CLSTN2: variants seen among roughly 807,000 people sequenced by gnomAD.
The protein encoded by CLSTN2 is calsyntenin-2.
Under a neutral mutation model 101.2 loss-of-function variants are expected in CLSTN2, and 48 were observed. The observed-to-expected ratio is 0.47, with a 90% CI of 0.38 to 0.60. CLSTN2 has a LOEUF of 0.60. Among genes scored for constraint, CLSTN2 ranks in the 20% least tolerant of loss-of-function variants. CLSTN2 has a pLI of 0.00. For synonymous variants in CLSTN2, 481 were observed against 463.6 expected, an observed-to-expected ratio of 1.04 and a Z score of -0.48; for missense variants, 1,160 against 1,238.2, an observed-to-expected ratio of 0.94 and a Z score of 0.95.
At chr3:140,049,131 G>A (rs918103037) in intron 1 of CLSTN2, among the ~76,000 whole-genome samples, 1 of 152,204 alleles carries the variant, frequency 6.6e-6, no homozygotes, top group African/African-American at 2.4e-5. Context: ...CTAAGGCACA[G>A]ACGGCATCTC....
At chr3:140,438,923 C>T (rs911726804) in intron 5 of CLSTN2, among the ~76,000 whole-genome samples, 65 of 152,216 alleles carry the variant, frequency 4.3e-4, no homozygotes, top group African/African-American at 1.4e-3. Context: ...AAGCTGCAGC[C>T]GAGCCTTGGG....
At chr3:140,242,421 A>T (rs1235027148) in intron 2 of CLSTN2, among the ~76,000 whole-genome samples, 1 of 152,204 alleles carries the variant, frequency 6.6e-6, no homozygotes, top group Admixed American at 6.5e-5. Flanking sequence ...TAAGTCTTCC[A>T]TGGACCAGCT....
rs1933501690 is a variant in CLSTN2, at chr3:140,459,456, G to T, written c.974-65G>T. 5.1e-6 allele frequency: 8 copies of T among 1,582,376 alleles called. No homozygotes were observed. In the South Asian group the frequency reaches 8.0e-5, roughly 16 times the overall value. On this transcript the variant is annotated intron_variant, in intron 6 of 16. Transcript: ENST00000458420. ...CACTGAGTAGTTCACCTTGACCCAGGAGCAGAAAACAGATGAGGACACCGC... is the reference window on the plus strand; with the variant it reads ...CACTGAGTAGTTCACCTTGACCCAGTAGCAGAAAACAGATGAGGACACCGC...
At chr3:140,101,432 G>T (rs2008963160) in intron 1 of CLSTN2, among the ~76,000 whole-genome samples, 1 of 152,210 alleles carries the variant, frequency 6.6e-6, no homozygotes, top group Admixed American at 6.5e-5. Flanking sequence ...TAGACATCAG[G>T]TTGGACAGAC....
intron 2 of CLSTN2, among the ~76,000 whole-genome samples, chr3:140,398,478 G>C (rs1368277045): frequency 6.6e-6 from 1 of 152,128 alleles, no homozygotes; most frequent in Non-Finnish European, 1.5e-5. Context: ...CAGACAAAAA[G>C]TCAAATAACA....
intron 2 of CLSTN2, among the ~76,000 whole-genome samples, chr3:140,243,907 A>G (rs903399722): frequency 6.6e-6 from 1 of 152,208 alleles, no homozygotes; most frequent in African/African-American, 2.4e-5. Context: ...CAGTCAGTGC[A>G]TGTCAGACTA....
At chr3:140,126,085 GTGA>G in intron 1 of CLSTN2, among the ~76,000 whole-genome samples, 1 of 152,286 alleles carries the variant, frequency 6.6e-6, no homozygotes. Context: ...TCAGTGGTTG[GTGA>G]TGATGTATAG....
intron 1 of CLSTN2, among the ~76,000 whole-genome samples, chr3:140,121,313 G>A (rs1388041124): frequency 6.6e-6 from 1 of 152,134 alleles, no homozygotes; most frequent in Non-Finnish European, 1.5e-5. Context: ...CACGTGAAAT[G>A]GGTATTGTGT....
chr3:140,086,909 C>T (rs1384729406), intron 1 of CLSTN2, among the ~76,000 whole-genome samples: 1 of 152,206 alleles, frequency 6.6e-6, no homozygotes, highest in African/African-American at 2.4e-5. Flanking sequence ...CTCATTATTC[C>T]TCACAATGAC....
At chr3:140,528,156 G>A (rs983445228) in intron 8 of CLSTN2, among the ~76,000 whole-genome samples, 2 of 152,034 alleles carry the variant, frequency 1.3e-5, no homozygotes, top group Non-Finnish European at 2.9e-5. Flanking sequence ...CTATTTTATA[G>A]GGTTGTGGTG....
rs1217095755 is a variant in CLSTN2, at chr3:140,575,641, G to A, written c.*9388G>A. ...CATGTAGAAGTTGTTTGTTCTCAAA[G>A]AAATCTGTAGGTGTTAGAGCTGGGT... On this transcript the variant is annotated 3_prime_UTR_variant, in exon 17 of 17. Coordinates refer to ENST00000458420, the MANE Select transcript of CLSTN2 (RefSeq NM_022131.3). 6.6e-6 allele frequency: 1 copy of A among 152,226 alleles called. No individual in the cohort carries two copies. Among genetic ancestry groups the A allele is most frequent in the Non-Finnish European group, 1.5e-5 (1 of 68,032 alleles). 9.4% of individuals were successfully genotyped at this position (152,226 alleles called of 1,614,324 possible).
At chr3:139,948,235 A>T (rs1330401539) in intron 1 of CLSTN2, among the ~76,000 whole-genome samples, 1 of 152,144 alleles carries the variant, frequency 6.6e-6, no homozygotes, top group Non-Finnish European at 1.5e-5. Flanking sequence ...GGAGAGAATC[A>T]TCATCACCCT....
At chr3:140,371,262 C>A (rs1271016528) in intron 2 of CLSTN2, among the ~76,000 whole-genome samples, 2 of 152,016 alleles carry the variant, frequency 1.3e-5, no homozygotes, top group Non-Finnish European at 2.9e-5. Flanking sequence ...TTTAGGCTGG[C>A]CTTTGAAGAT....
intron 2 of CLSTN2, among the ~76,000 whole-genome samples, chr3:140,247,051 GTTT>G (rs1198251131): frequency 6.6e-6 from 1 of 152,154 alleles, no homozygotes; most frequent in Non-Finnish European, 1.5e-5. Context: ...ACCCTGATGG[GTTT>G]ATGAAGTCTC....
At chr3:140,483,644 A>G (rs530192581) in intron 8 of CLSTN2, among the ~76,000 whole-genome samples, 10 of 152,204 alleles carry the variant, frequency 6.6e-5, no homozygotes, top group African/African-American at 2.2e-4. Context: ...GGGTGCATAT[A>G]TATTTAGGAT....
chr3:140,142,942 G>A (rs1186695835), intron 1 of CLSTN2, among the ~76,000 whole-genome samples: 1 of 152,158 alleles, frequency 6.6e-6, no homozygotes, highest in African/African-American at 2.4e-5. Flanking sequence ...AGCCTGAGTA[G>A]CAGATCAACT....
At chr3:140,017,778 C>T (rs577854639) in intron 1 of CLSTN2, among the ~76,000 whole-genome samples, 1 of 152,348 alleles carries the variant, frequency 6.6e-6, no homozygotes, top group South Asian at 2.1e-4. Flanking sequence ...GCCTCCCGCA[C>T]AAGCAAAAGC....
chr3:140,310,468 AC>A (rs1037630793), intron 2 of CLSTN2, among the ~76,000 whole-genome samples: 3 of 151,766 alleles, frequency 2.0e-5, no homozygotes, highest in East Asian at 1.9e-4. Flanking sequence ...CTCACAGACA[AC>A]CCTTCCGCCC....
chr3:140,241,814 T>C (rs996924980), intron 2 of CLSTN2, among the ~76,000 whole-genome samples: 20 of 146,968 alleles, frequency 1.4e-4, no homozygotes, highest in South Asian at 2.1e-4. Flanking sequence ...TATATACACA[T>C]ATATATATAT....
Sources: gnomAD v4.1 joint callset for allele counts (sites outside exome capture counted in the v4.1 genomes callset) on GRCh38, gnomAD v4.1.1 for gene constraint, MANE v1.5 for transcripts, NCBI Gene and HGNC (gene_info 2026-07-23, HGNC 2026-07-21) for gene names.